Variants in MRPL1 observed in about 807,000 individuals in gnomAD.
MRPL1 encodes the protein mitochondrial ribosomal protein L1.
A neutral mutation model predicts 38.0 loss-of-function variants in MRPL1; 28 were observed. The observed-to-expected ratio is 0.74, with a 90% CI of 0.55 to 1.01. The LOEUF is 1.01. Ranked by LOEUF, MRPL1 falls within the 50% of genes least tolerant of loss-of-function variation. The pLI is 0.00. For missense variants in MRPL1, 358 were observed against 389.8 expected (o/e 0.92, Z 0.69); for synonymous variants, 123 against 126.7 (o/e 0.97, Z 0.20).
Position 77,871,821 on chromosome 4 carries a change from C to G in MRPL1, c.109C>G (p.Arg37Gly), listed in dbSNP as rs373853356. 6.2e-7 allele frequency: 1 copy of G among 1,602,616 alleles called. No individual in the cohort carries two copies. Among genetic ancestry groups the G allele is most frequent in the African/African-American group, 1.3e-5 (1 of 74,188 alleles). Reference sequence around the variant, plus strand: ...ACTTTGTTCTTGTTCTGTAAACATCCGAGTGCCCAACAGACATTTTGCTGC... The same window carrying G: ...ACTTTGTTCTTGTTCTGTAAACATCGGAGTGCCCAACAGACATTTTGCTGC... ...TSLCSCSVNI[R>G]VPNRHFAAAT... Residue 37 changes from arginine (R) to glycine (G), a missense_variant, in exon 2 of 9, where the codon CGA (arginine) becomes GGA (glycine). By Grantham distance (125) the Arg-to-Gly change is moderately radical (BLOSUM62 -2). Transcript: ENST00000315567.
At chr4:77,934,768 G>A (rs1352229187) in intron 7 of MRPL1, among the ~76,000 whole-genome samples, 1 of 152,156 alleles carries the variant, frequency 6.6e-6, no homozygotes, top group Admixed American at 6.5e-5. Context: ...GAGCCAGAAG[G>A]TACAAGCAGC....
intron 1 of MRPL1, among the ~76,000 whole-genome samples, chr4:77,870,790 G>A (rs926521422): frequency 4.6e-5 from 7 of 151,908 alleles, no homozygotes; most frequent in East Asian, 1.9e-4. Context: ...ATTTACACAC[G>A]CAAAAGAATA....
intron 6 of MRPL1, among the ~76,000 whole-genome samples, chr4:77,899,326 T>A (rs1325461254): frequency 3.9e-5 from 6 of 152,046 alleles, no homozygotes; most frequent in African/African-American, 1.4e-4. Context: ...CAGATTTCTT[T>A]AAACAAACAA....
chr4:77,897,918 A>G (rs1426542794), intron 6 of MRPL1, among the ~76,000 whole-genome samples: 2 of 152,226 alleles, frequency 1.3e-5, no homozygotes, highest in African/African-American at 2.4e-5. Context: ...TCCATTAATG[A>G]TTAGGTACTG....
At chr4:77,916,862 A>T (rs1736434996) in intron 7 of MRPL1, among the ~76,000 whole-genome samples, 1 of 152,210 alleles carries the variant, frequency 6.6e-6, no homozygotes, top group Non-Finnish European at 1.5e-5. Context: ...TATATGTTGA[A>T]AATTTTATTA....
chr4:77,886,615 G>A (rs1000992824), intron 4 of MRPL1, among the ~76,000 whole-genome samples: 13 of 151,722 alleles, frequency 8.6e-5, no homozygotes, highest in African/African-American at 2.2e-4. Context: ...TTACAGGCGT[G>A]AGCCACCATA....
At chr4:77,940,275 C>A (rs1459080698) in intron 7 of MRPL1, among the ~76,000 whole-genome samples, 3 of 151,874 alleles carry the variant, frequency 2.0e-5, no homozygotes, top group Non-Finnish European at 4.4e-5. Context: ...GTTAGGTATA[C>A]TCCTAAGTAT....
At chr4:77,906,959 T>C in intron 6 of MRPL1, 1 of 985,016 alleles carries the variant, frequency 1.0e-6, no homozygotes, top group Middle Eastern at 5.2e-4. Flanking sequence ...TTAAACTGCC[T>C]ATGGGTAGTT....
intron 7 of MRPL1, among the ~76,000 whole-genome samples, chr4:77,914,457 C>G (rs564596314): frequency 6.6e-6 from 1 of 152,108 alleles, no homozygotes; most frequent in Admixed American, 6.5e-5. Context: ...ATAATATATG[C>G]AAAGTATGCC....
chr4:77,893,182 C>G (rs1008428350), intron 5 of MRPL1, among the ~76,000 whole-genome samples: 2 of 152,196 alleles, frequency 1.3e-5, no homozygotes, highest in African/African-American at 4.8e-5. Flanking sequence ...GTGGCACGAT[C>G]TTGGCTTACT....
At chr4:77,934,076 T>TA (rs1651602117) in intron 7 of MRPL1, among the ~76,000 whole-genome samples, 1 of 152,366 alleles carries the variant, frequency 6.6e-6, no homozygotes, top group South Asian at 2.1e-4. Flanking sequence ...TGAGCTGTTG[T>TA]ATAGACACAG....
chr4:77,911,216 G>A lies in MRPL1; in HGVS notation c.777+1844G>A, dbSNP rs569838495. Among the ~76,000 whole-genome samples, 21 of 152,270 alleles carry A rather than the reference G, an allele frequency of 1.4e-4. 1 individual carries two copies. Among genetic ancestry groups the A allele is most frequent in the Admixed American group, 1.4e-3 (21 of 15,290 alleles). ...TTGTTTTGGTTGGCCTTTTGGGACT[G>A]TGGAATATCCTTATAAGGCTCTTTT... On this transcript the variant is annotated intron_variant, in intron 7 of 8. Transcript: ENST00000315567.
chr4:77,922,042 A>G (rs576788895), intron 7 of MRPL1, among the ~76,000 whole-genome samples: 1 of 152,316 alleles, frequency 6.6e-6, no homozygotes, highest in South Asian at 2.1e-4. Context: ...TTCATGGGAT[A>G]GACGTGTAGA....
At chr4:77,906,027 T>C in intron 6 of MRPL1, among the ~76,000 whole-genome samples, 1 of 152,184 alleles carries the variant, frequency 6.6e-6, no homozygotes, top group East Asian at 1.9e-4. Flanking sequence ...AGTGGATAGA[T>C]GGTATTTAAA....
chr4:77,891,575 C>G (rs549639599), intron 5 of MRPL1, among the ~76,000 whole-genome samples: 31 of 152,190 alleles, frequency 2.0e-4, no homozygotes, highest in African/African-American at 7.5e-4. Flanking sequence ...AGACTGGTCT[C>G]GAACTCCTGG....
At chr4:77,919,237 T>C (rs1477773376) in intron 7 of MRPL1, among the ~76,000 whole-genome samples, 1 of 152,142 alleles carries the variant, frequency 6.6e-6, no homozygotes, top group Non-Finnish European at 1.5e-5. Flanking sequence ...CAGAACTTGC[T>C]TTGTTTTTTT....
At chr4:77,940,369 AC>A (rs1737090711) in intron 7 of MRPL1, among the ~76,000 whole-genome samples, 1 of 152,218 alleles carries the variant, frequency 6.6e-6, no homozygotes, top group African/African-American at 2.4e-5. Flanking sequence ...TGTATAGCAG[AC>A]CTACTGATTT....
chr4:77,868,363 C>T (rs1195070433), intron 1 of MRPL1, among the ~76,000 whole-genome samples: 1 of 152,076 alleles, frequency 6.6e-6, no homozygotes, highest in Non-Finnish European at 1.5e-5. Context: ...CCTCAGCCTC[C>T]CGAGTAGCTG....
intron 7 of MRPL1, among the ~76,000 whole-genome samples, chr4:77,915,556 AG>A (rs1251160124): frequency 6.6e-6 from 1 of 152,138 alleles, no homozygotes; most frequent in Admixed American, 6.5e-5. Flanking sequence ...CTGGGACTAC[AG>A]GTGTGCGCCA....
Sources: gnomAD v4.1 joint callset for allele counts (sites outside exome capture counted in the v4.1 genomes callset) on GRCh38, gnomAD v4.1.1 for gene constraint, MANE v1.5 for transcripts, NCBI Gene and HGNC (gene_info 2026-07-23, HGNC 2026-07-21) for gene names.